Variants in SUGCT observed in about 807,000 individuals in gnomAD.
SUGCT encodes the protein succinyl-CoA:glutarate-CoA transferase, also known as succinyl-CoA:glutarate CoA-transferase.
A neutral mutation model predicts 55.0 loss-of-function variants in SUGCT; 41 were observed. The observed-to-expected ratio is 0.74, with a 90% CI of 0.58 to 0.97. The LOEUF is 0.97. SUGCT is among the 50% of genes least tolerant of loss of function. The pLI is 0.00. For missense variants in SUGCT, 568 were observed against 547.8 expected (o/e 1.04, Z -0.37); for synonymous variants, 187 against 200.4 (o/e 0.93, Z 0.56).
intron 9 of SUGCT, among the ~76,000 whole-genome samples, chr7:40,379,505 T>C (rs983144800): frequency 2.0e-5 from 3 of 152,224 alleles, no homozygotes; most frequent in Admixed American, 6.5e-5. Flanking sequence ...CTGGAAATTA[T>C]ATGCTGGCTC....
At chr7:40,893,634 A>T in the SUGCT span, among the ~76,000 whole-genome samples, 25 of 152,318 alleles carry the variant, frequency 1.6e-4, no homozygotes, top group South Asian at 8.3e-4. Flanking sequence ...AAGAATTTTT[A>T]AAAAAATATT....
At chr7:40,348,361 G>T (rs1486245860) in intron 9 of SUGCT, among the ~76,000 whole-genome samples, 2 of 151,822 alleles carry the variant, frequency 1.3e-5, no homozygotes, top group Non-Finnish European at 2.9e-5. Context: ...GAAATGGTAA[G>T]GGTTTACAAA....
chr7:41,015,720 G>A, the SUGCT span, among the ~76,000 whole-genome samples: 1 of 152,198 alleles, frequency 6.6e-6, no homozygotes, highest in African/African-American at 2.4e-5. Context: ...CAGACAATGA[G>A]CAGACCCAGT....
the SUGCT span, among the ~76,000 whole-genome samples, chr7:40,976,243 A>G: frequency 3.3e-5 from 5 of 152,296 alleles, no homozygotes; most frequent in Admixed American, 6.5e-5. Context: ...GCTGCCCTCA[A>G]TTGCTTCTAA....
chr7:40,754,211 G>GA (rs1176175398), intron 13 of SUGCT, among the ~76,000 whole-genome samples: 1 of 152,118 alleles, frequency 6.6e-6, no homozygotes, highest in African/African-American at 2.4e-5. Flanking sequence ...GAGAGACAAA[G>GA]AAAAATGAAC....
intron 9 of SUGCT, among the ~76,000 whole-genome samples, chr7:40,405,366 CTTTTCT>C (rs139615322): frequency 0.016 from 2,506 of 152,172 alleles, 49 homozygotes; most frequent in African/African-American, 0.051. Flanking sequence ...GGGATAATGT[CTTTTCT>C]TTTTCTTTTT....
chr7:40,187,102 G>A (rs1461299221), intron 3 of SUGCT, among the ~76,000 whole-genome samples: 1 of 152,118 alleles, frequency 6.6e-6, no homozygotes. Flanking sequence ...ATACTATGCA[G>A]CCATAAAAAA....
chr7:40,256,893 A>G (rs1790847134), intron 7 of SUGCT, among the ~76,000 whole-genome samples: 1 of 151,756 alleles, frequency 6.6e-6, no homozygotes, highest in Admixed American at 6.6e-5. Flanking sequence ...ACAGGCGCCC[A>G]CTACCACACC....
At chr7:40,371,682 A>G (rs1461278696) in intron 9 of SUGCT, among the ~76,000 whole-genome samples, 1 of 151,550 alleles carries the variant, frequency 6.6e-6, no homozygotes, top group African/African-American at 2.4e-5. Flanking sequence ...TTTTTAGAAG[A>G]TATTTTCAGT....
intron 12 of SUGCT, among the ~76,000 whole-genome samples, chr7:40,512,429 T>C (rs1253226404): frequency 6.6e-6 from 1 of 152,218 alleles, no homozygotes; most frequent in African/African-American, 2.4e-5. Flanking sequence ...AACCACAGAA[T>C]ACTTTAGATA....
At chr7:40,251,200 A>G (rs529743515) in intron 7 of SUGCT, among the ~76,000 whole-genome samples, 1 of 152,318 alleles carries the variant, frequency 6.6e-6, no homozygotes, top group African/African-American at 2.4e-5. Context: ...AGCAATGATT[A>G]GCATTCGAAC....
intron 12 of SUGCT, among the ~76,000 whole-genome samples, chr7:40,681,395 G>T (rs1041962344): frequency 6.6e-6 from 1 of 152,118 alleles, no homozygotes; most frequent in Admixed American, 6.6e-5. Flanking sequence ...GTTCAGATGA[G>T]TTTTCAGATA....
At chr7:40,423,697 A>T (rs180761673) in intron 9 of SUGCT, among the ~76,000 whole-genome samples, 1 of 152,222 alleles carries the variant, frequency 6.6e-6, no homozygotes, top group East Asian at 1.9e-4. Context: ...TGCTATCATA[A>T]ACTATCCATC....
chr7:40,705,467 G>A (rs1785354528), intron 12 of SUGCT, among the ~76,000 whole-genome samples: 2 of 152,110 alleles, frequency 1.3e-5, no homozygotes, highest in Admixed American at 1.3e-4. Context: ...TTATTGAGAA[G>A]CAGTGATTCT....
chr7:40,856,615 T>C (rs970311654), intron 13 of SUGCT, among the ~76,000 whole-genome samples: 3 of 151,556 alleles, frequency 2.0e-5, no homozygotes, highest in African/African-American at 7.3e-5. Flanking sequence ...AGAATTTTTA[T>C]GGGCTGTAGG....
chr7:40,767,563 T>C (rs1788869671), intron 13 of SUGCT, among the ~76,000 whole-genome samples: 1 of 152,096 alleles, frequency 6.6e-6, no homozygotes. Context: ...GTCAGAGTGG[T>C]GGCAGAGGAT....
At chr7:40,563,596 C>T (rs1795964062) in intron 12 of SUGCT, among the ~76,000 whole-genome samples, 1 of 151,734 alleles carries the variant, frequency 6.6e-6, no homozygotes, top group African/African-American at 2.4e-5. Context: ...CCCCTATATT[C>T]CCAATTACTT....
At chr7:40,191,534 A>G (rs891299248) in intron 5 of SUGCT, among the ~76,000 whole-genome samples, 12 of 151,676 alleles carry the variant, frequency 7.9e-5, no homozygotes, top group African/African-American at 2.9e-4. Flanking sequence ...TGATCTTACC[A>G]CTCTTTCTTC....
At chr7:40,937,525 T>C in the SUGCT span, among the ~76,000 whole-genome samples, 1 of 152,178 alleles carries the variant, frequency 6.6e-6, no homozygotes, top group African/African-American at 2.4e-5. Context: ...TGTTGAATTG[T>C]TTATTTTTCC....
Sources: allele counts gnomAD v4.1 joint callset (sites outside exome capture counted in the v4.1 genomes callset), GRCh38; gene constraint gnomAD v4.1.1; transcripts MANE v1.5; gene names NCBI Gene and HGNC (gene_info 2026-07-23, HGNC 2026-07-21).